The following USH2A variants were observed in gnomAD, a reference collection of about 807,000 sequenced individuals.
The protein encoded by USH2A is Usher syndrome 2A (autosomal recessive, mild).
In USH2A, 443 loss-of-function variants were observed where a neutral mutation model predicts 538.9. The observed-to-expected ratio is 0.82, with a 90% CI of 0.76 to 0.89. The LOEUF (loss-of-function observed/expected upper bound fraction) is 0.89, where lower values mean the gene tolerates loss of function less well. Among genes scored for constraint, USH2A ranks in the 40% least tolerant of loss-of-function variants. The pLI is 0.00. For synonymous variants in USH2A, 2,413 were observed against 2,273.5 expected (o/e 1.06, Z -1.75); for missense variants, 6,633 against 6,324.8 (o/e 1.05, Z -1.65).
rs1378696484 is a variant in USH2A, at chr1:216,361,212, G to A, written c.784+3741C>T. The stretch of plus-strand genomic sequence containing the variant: ...CTAGGTTAATTACACATTCAGGTGG[G>A]ACAAAAATTTTGACCCCTACCTTAT... On this transcript the variant is annotated intron_variant, in intron 4 of 71. Transcript: ENST00000307340. Among the ~76,000 whole-genome samples the A allele has an allele frequency of 2.6e-5, 4 of 152,010 alleles. No homozygotes were observed. In the South Asian group the frequency reaches 8.3e-4, roughly 32 times the overall value.
chr1:216,394,702 C>T (rs577265059), intron 3 of USH2A, among the ~76,000 whole-genome samples: 1 of 141,624 alleles, frequency 7.1e-6, no homozygotes, highest in Admixed American at 7.3e-5. Flanking sequence ...CAACTTAAGG[C>T]CTAATAACTG....
At chr1:215,889,984 T>C (rs569594083) in intron 40 of USH2A, among the ~76,000 whole-genome samples, 1 of 152,316 alleles carries the variant, frequency 6.6e-6, no homozygotes, top group African/African-American at 2.4e-5. Context: ...AATTGAAATT[T>C]CATTTAAAAT....
Position 216,422,121 on chromosome 1 carries a change from A to C in USH2A, c.216T>G (p.Ala72=), listed in dbSNP as rs1413308052. ...GGGTACAGAACTGAATACTTTCAGCAGCAGCAGAGCTGTGACAAAAAGTGC... is the reference window on the plus strand; with the variant it reads ...GGGTACAGAACTGAATACTTTCAGCCGCAGCAGAGCTGTGACAAAAAGTGC... ...DRSTFCHSSA[A]AESIQFCTQR... The change falls in exon 2 of 72, where the codon GCT becomes GCG. Residue 72 remains alanine, a synonymous_variant. Coordinates refer to ENST00000307340, the MANE Select transcript of USH2A (RefSeq NM_206933.4). 4 of 1,613,752 alleles carry C rather than the reference A, an allele frequency of 2.5e-6. No homozygotes were observed. The African/African-American group carries it at 4.0e-5, about 16-fold the overall frequency.
intron 3 of USH2A, among the ~76,000 whole-genome samples, chr1:216,384,345 T>G (rs775233081): frequency 2.0e-5 from 3 of 152,060 alleles, no homozygotes; most frequent in Admixed American, 6.6e-5. Context: ...GGCTGGCTAA[T>G]AAGCCTATGT....
Position 215,993,182 on chromosome 1 carries a change from A to G in USH2A, c.6658-15T>C, listed in dbSNP as rs1668046742. 6.2e-7 allele frequency: 1 copy of G among 1,614,062 alleles called. No individual in the cohort carries two copies. The stretch of plus-strand genomic sequence containing the variant: ...CCTGTGCAAGCCTAAACAGAGATGC[A>G]AAAATGCTCATTTCACTCTTGGTCC... On this transcript the variant is annotated splice_polypyrimidine_tract_variant and intron_variant, in intron 34 of 71. Coordinates refer to ENST00000307340, the MANE Select transcript of USH2A (RefSeq NM_206933.4).
At position 216,224,226 on chromosome 1, in the gene USH2A, T is replaced by C. The variant is rs7530694; in HGVS notation, c.2994-6676A>G. Among the ~76,000 whole-genome samples the C allele has an allele frequency of 6.6e-3, 1,006 of 152,250 alleles. 9 individuals are homozygous for C. The highest frequency in any genetic ancestry group is 0.023 in the African/African-American group (954 of 41,538). ...GATGAACTGGAGCAGTCCTGGGGGC[T>C]ATGGGGGAGAGTAGTCATAGTCACA... is the stretch of plus-strand genomic sequence containing the variant. On this transcript the variant is annotated intron_variant, in intron 14 of 71. Coordinates refer to ENST00000307340, the MANE Select transcript of USH2A (RefSeq NM_206933.4).
chr1:216,063,480 T>C (rs1023674068), intron 30 of USH2A, among the ~76,000 whole-genome samples: 1 of 152,142 alleles, frequency 6.6e-6, no homozygotes, highest in Admixed American at 6.6e-5. Context: ...ATGTCCTTGA[T>C]GACTCAATTT....
chr1:215,793,858 G>A (rs888341038), intron 50 of USH2A, among the ~76,000 whole-genome samples: 2 of 152,158 alleles, frequency 1.3e-5, no homozygotes, highest in African/African-American at 4.8e-5. Context: ...CTCATGATCA[G>A]TTTCCCATGG....
At chr1:216,092,949 G>T (rs1221840151) in intron 22 of USH2A, among the ~76,000 whole-genome samples, 1 of 151,608 alleles carries the variant, frequency 6.6e-6, no homozygotes, top group African/African-American at 2.4e-5. Flanking sequence ...ACTCCCTTTA[G>T]CCCCCAACTT....
intron 61 of USH2A, among the ~76,000 whole-genome samples, chr1:215,705,665 G>T (rs142361744): frequency 6.6e-6 from 1 of 152,178 alleles, no homozygotes; most frequent in East Asian, 1.9e-4. Context: ...TGAGCAAAGG[G>T]CACTAACTTG....
chr1:216,230,314 T>A (rs1230673982), intron 14 of USH2A, among the ~76,000 whole-genome samples: 2 of 152,170 alleles, frequency 1.3e-5, no homozygotes, highest in Non-Finnish European at 2.9e-5. Context: ...ATCAAAATCC[T>A]GACAGTGCTT....
At chr1:215,949,949 G>C (rs971628631) in intron 37 of USH2A, among the ~76,000 whole-genome samples, 1 of 152,038 alleles carries the variant, frequency 6.6e-6, no homozygotes, top group African/African-American at 2.4e-5. Flanking sequence ...AGAACATATG[G>C]AAAATGTTTG....
intron 30 of USH2A, among the ~76,000 whole-genome samples, chr1:216,056,210 G>T (rs775462701): frequency 6.6e-6 from 1 of 152,182 alleles, no homozygotes; most frequent in Non-Finnish European, 1.5e-5. Flanking sequence ...CCACGTGCTT[G>T]TGTTAACTCT....
intron 47 of USH2A, among the ~76,000 whole-genome samples, chr1:215,820,203 A>T (rs2102799381): frequency 6.6e-6 from 1 of 151,776 alleles, no homozygotes; most frequent in Non-Finnish European, 1.5e-5. Flanking sequence ...AATTTAAGAT[A>T]CCTTAATACA....
chr1:216,245,955 T>C (rs2036034360), intron 13 of USH2A, among the ~76,000 whole-genome samples: 1 of 152,208 alleles, frequency 6.6e-6, no homozygotes, highest in Non-Finnish European at 1.5e-5. Context: ...TCATAATGAA[T>C]TTATTGTAAA....
intron 51 of USH2A, among the ~76,000 whole-genome samples, chr1:215,789,173 G>A (rs1240675169): frequency 2.0e-5 from 3 of 152,116 alleles, no homozygotes; most frequent in African/African-American, 7.2e-5. Context: ...GAGAAATATT[G>A]TCCTCATTAG....
chr1:215,673,718 C>G (rs562828387), intron 63 of USH2A, among the ~76,000 whole-genome samples: 11 of 152,258 alleles, frequency 7.2e-5, no homozygotes, highest in Non-Finnish European at 1.5e-4. Flanking sequence ...ACTTTTTAAC[C>G]TTAAAATAAT....
At chr1:216,114,379 A>G (rs1571972369) in intron 21 of USH2A, among the ~76,000 whole-genome samples, 1 of 152,068 alleles carries the variant, frequency 6.6e-6, no homozygotes, top group Non-Finnish European at 1.5e-5. Flanking sequence ...CCAGAACAAC[A>G]CTAAATAACA....
chr1:216,415,508 C>CT lies in USH2A; in HGVS notation c.651+3005dup, dbSNP rs71161423. ...TCCTAATCTCCTGTCCTTCCTGTCA[C>CT]TTTTTTTTTTTTTTTTTTTTTTTTT... On this transcript the variant is annotated intron_variant, in intron 3 of 71. Coordinates refer to ENST00000307340, the MANE Select transcript of USH2A (RefSeq NM_206933.4). 3.1e-3 allele frequency among the ~76,000 whole-genome samples: 302 copies of CT among 96,832 alleles called. 5 individuals are homozygous for CT. Among genetic ancestry groups the CT allele is most frequent in the Middle Eastern group, 6.0e-3 (1 of 166 alleles). 63.5% of individuals were successfully genotyped at this position (96,832 alleles called of 152,430 possible).
Sources: gnomAD v4.1 joint callset for allele counts (sites outside exome capture counted in the v4.1 genomes callset) on GRCh38, gnomAD v4.1.1 for gene constraint, MANE v1.5 for transcripts, NCBI Gene and HGNC (gene_info 2026-07-23, HGNC 2026-07-21) for gene names.